The following ASIC2 variants were observed in gnomAD, a reference collection of about 807,000 sequenced individuals.
ASIC2 encodes the protein acid sensing ion channel subunit 2, also known as acid-sensing ion channel 2.
A neutral mutation model predicts 57.3 loss-of-function variants in ASIC2; 25 were observed. That is an observed-to-expected ratio of 0.44 (90% CI 0.32 to 0.61). ASIC2 has a LOEUF of 0.61. Among genes scored for constraint, ASIC2 ranks in the 20% least tolerant of loss-of-function variants. The pLI, the probability that ASIC2 is intolerant of heterozygous loss-of-function variation, is 0.06. For missense variants in ASIC2, 641 were observed against 738.1 expected, an observed-to-expected ratio of 0.87 and a Z score of 1.52; for synonymous variants, 319 against 307.5, an observed-to-expected ratio of 1.04 and a Z score of -0.39.
chr17:33,056,220 C>T (rs2091997437), intron 3 of ASIC2, among the ~76,000 whole-genome samples: 1 of 152,190 alleles, frequency 6.6e-6, no homozygotes, highest in African/African-American at 2.4e-5. Flanking sequence ...GCCCACTCCA[C>T]TGAGATTTTG....
chr17:33,921,595 G>T (rs1367340229), intron 1 of ASIC2, among the ~76,000 whole-genome samples: 1 of 152,122 alleles, frequency 6.6e-6, no homozygotes, highest in Non-Finnish European at 1.5e-5. Context: ...TAGAGAGGTA[G>T]GTGGGGTGCA....
intron 1 of ASIC2, among the ~76,000 whole-genome samples, chr17:33,364,926 A>G (rs895249812): frequency 1.1e-4 from 17 of 152,230 alleles, no homozygotes; most frequent in African/African-American, 3.8e-4. Flanking sequence ...GCAGTCAAGT[A>G]TCTAGGTTGA....
chr17:33,697,628 C>T (rs911173351), intron 1 of ASIC2, among the ~76,000 whole-genome samples: 1 of 152,170 alleles, frequency 6.6e-6, no homozygotes, highest in African/African-American at 2.4e-5. Context: ...CCACCTTTCT[C>T]CCAACCATGG....
At chr17:33,996,470 C>T (rs1906165256) in intron 1 of ASIC2, among the ~76,000 whole-genome samples, 2 of 152,124 alleles carry the variant, frequency 1.3e-5, no homozygotes, top group Non-Finnish European at 2.9e-5. Context: ...TCTTCTAGCA[C>T]TTTTACAGTT....
chr17:33,278,118 G>A (rs1434090090), intron 1 of ASIC2, among the ~76,000 whole-genome samples: 1 of 151,646 alleles, frequency 6.6e-6, no homozygotes, highest in Non-Finnish European at 1.5e-5. Flanking sequence ...CAGTGAAGAT[G>A]TCACTTCCTC....
At chr17:33,745,270 G>A (rs917293160) in intron 1 of ASIC2, among the ~76,000 whole-genome samples, 1 of 152,144 alleles carries the variant, frequency 6.6e-6, no homozygotes, top group African/African-American at 2.4e-5. Flanking sequence ...GAAGACCCAG[G>A]AAACAGCTGA....
intron 1 of ASIC2, among the ~76,000 whole-genome samples, chr17:33,791,585 T>A (rs1430790211): frequency 6.6e-6 from 1 of 152,022 alleles, no homozygotes; most frequent in Non-Finnish European, 1.5e-5. Flanking sequence ...AAGTAGTGAG[T>A]CCCCAAACCT....
chr17:33,096,874 C>T (rs367885392), intron 2 of ASIC2, among the ~76,000 whole-genome samples: 20 of 152,250 alleles, frequency 1.3e-4, no homozygotes, highest in African/African-American at 4.1e-4. Flanking sequence ...CACACTGGGG[C>T]GCTTCAAGAA....
chr17:33,800,042 C>A (rs988413166), intron 1 of ASIC2, among the ~76,000 whole-genome samples: 9 of 152,150 alleles, frequency 5.9e-5, no homozygotes, highest in Admixed American at 3.9e-4. Context: ...TATATAGAGA[C>A]CTTTGAGACC....
At chr17:34,100,958 T>C (rs1402235081) in intron 1 of ASIC2, among the ~76,000 whole-genome samples, 1 of 152,202 alleles carries the variant, frequency 6.6e-6, no homozygotes, top group East Asian at 1.9e-4. Context: ...ATTTAACTTC[T>C]TTGTCCCTCA....
chr17:33,337,324 T>C (rs917874342), intron 1 of ASIC2, among the ~76,000 whole-genome samples: 4 of 152,220 alleles, frequency 2.6e-5, no homozygotes, highest in East Asian at 1.9e-4. Flanking sequence ...CATCAGCTCA[T>C]TGATCCTCAC....
At chr17:34,094,053 G>A (rs567406564) in intron 1 of ASIC2, among the ~76,000 whole-genome samples, 10 of 152,276 alleles carry the variant, frequency 6.6e-5, no homozygotes, top group African/African-American at 2.4e-4. Flanking sequence ...GATATTGACA[G>A]GAGGAAGAAG....
At chr17:33,924,140 A>T (rs779400876) in intron 1 of ASIC2, among the ~76,000 whole-genome samples, 2 of 152,200 alleles carry the variant, frequency 1.3e-5, no homozygotes, top group Non-Finnish European at 2.9e-5. Context: ...TGCTTATCAC[A>T]TGGCCTGGCC....
chr17:33,259,472 C>T (rs982910727), intron 1 of ASIC2, among the ~76,000 whole-genome samples: 2 of 151,996 alleles, frequency 1.3e-5, no homozygotes, highest in African/African-American at 2.4e-5. Flanking sequence ...CAAAGCACCT[C>T]CCACCGCCCA....
intron 1 of ASIC2, among the ~76,000 whole-genome samples, chr17:33,801,623 A>G (rs1488914137): frequency 1.3e-5 from 2 of 152,196 alleles, no homozygotes; most frequent in Non-Finnish European, 2.9e-5. Context: ...TGTAAGGATG[A>G]AAGGAAATAA....
intron 1 of ASIC2, among the ~76,000 whole-genome samples, chr17:33,944,976 G>C (rs751823821): frequency 2.0e-5 from 3 of 152,178 alleles, no homozygotes; most frequent in Non-Finnish European, 4.4e-5. Flanking sequence ...GTCCTGCCAA[G>C]GGTTGCTGAG....
At chr17:33,343,675 C>T (rs1907826068) in intron 1 of ASIC2, among the ~76,000 whole-genome samples, 1 of 152,176 alleles carries the variant, frequency 6.6e-6, no homozygotes, top group Non-Finnish European at 1.5e-5. Flanking sequence ...CAGCCTCAGC[C>T]TTATTTTCTT....
intron 1 of ASIC2, among the ~76,000 whole-genome samples, chr17:34,032,897 T>G (rs1408626030): frequency 1.3e-5 from 2 of 152,092 alleles, no homozygotes; most frequent in African/African-American, 4.8e-5. Flanking sequence ...GACTTAAGAC[T>G]CCCACACAAT....
intron 1 of ASIC2, among the ~76,000 whole-genome samples, chr17:33,832,511 G>T (rs932450159): frequency 5.3e-5 from 8 of 152,182 alleles, no homozygotes; most frequent in African/African-American, 1.4e-4. Context: ...CACTGGCAGT[G>T]AGATAGAGAC....
Sources: allele counts gnomAD v4.1 joint callset (sites outside exome capture counted in the v4.1 genomes callset), GRCh38; gene constraint gnomAD v4.1.1; transcripts MANE v1.5; gene names NCBI Gene and HGNC (gene_info 2026-07-23, HGNC 2026-07-21).